SAMMSON: variants seen among roughly 807,000 people sequenced by gnomAD.
SAMMSON encodes long intergenic non-protein coding RNA 1212.
chr3:70,209,987 C>T (rs542403720), intron 4 of SAMMSON, among the ~76,000 whole-genome samples: 1 of 152,052 alleles, frequency 6.6e-6, no homozygotes. Context: ...ATGGAGATTG[C>T]AGCAGCTATT....
chr3:70,258,913 T>A (rs960544654), intron 6 of SAMMSON, among the ~76,000 whole-genome samples: 1 of 152,218 alleles, frequency 6.6e-6, no homozygotes, highest in Non-Finnish European at 1.5e-5. Flanking sequence ...ATTTCTTTAA[T>A]TTTTTCACAG....
At chr3:70,238,393 G>A (rs1158458492) in intron 4 of SAMMSON, among the ~76,000 whole-genome samples, 1 of 151,976 alleles carries the variant, frequency 6.6e-6, no homozygotes, top group East Asian at 1.9e-4. Context: ...AGGATCATTT[G>A]AGCCCAGGAG....
intron 9 of SAMMSON, among the ~76,000 whole-genome samples, chr3:70,386,410 T>C (rs1324514011): frequency 1.3e-5 from 2 of 152,088 alleles, no homozygotes; most frequent in South Asian, 2.1e-4. Flanking sequence ...TATGAAGAGA[T>C]TTAACCTAGT....
At chr3:70,074,624 A>G (rs2067241948) in intron 4 of SAMMSON, among the ~76,000 whole-genome samples, 1 of 152,152 alleles carries the variant, frequency 6.6e-6, no homozygotes, top group Non-Finnish European at 1.5e-5. Flanking sequence ...GTCTTCGTGA[A>G]CACTTTTAGA....
intron 4 of SAMMSON, among the ~76,000 whole-genome samples, chr3:70,167,994 A>G (rs62254820): frequency 0.41 from 62,662 of 151,876 alleles, 13,637 homozygotes; most frequent in East Asian, 0.73. Flanking sequence ...CTCACAGGGA[A>G]AAATAGCATC....
chr3:70,362,042 G>A (rs990517501), intron 9 of SAMMSON, among the ~76,000 whole-genome samples: 1 of 152,086 alleles, frequency 6.6e-6, no homozygotes, highest in African/African-American at 2.4e-5. Flanking sequence ...GTTGTCTACA[G>A]GGGATAAAGA....
chr3:70,007,723 T>C (rs1249616019), intron 1 of SAMMSON, among the ~76,000 whole-genome samples: 1 of 152,212 alleles, frequency 6.6e-6, no homozygotes, highest in Non-Finnish European at 1.5e-5. Context: ...TCCTTGCCCA[T>C]GCCTATGTCC....
At chr3:70,306,395 G>A (rs1371374677) in intron 7 of SAMMSON, among the ~76,000 whole-genome samples, 3 of 152,156 alleles carry the variant, frequency 2.0e-5, no homozygotes, top group East Asian at 1.9e-4. Context: ...ATAGGCATGA[G>A]CTACCTCACC....
At chr3:70,209,721 C>G (rs561048430) in intron 4 of SAMMSON, among the ~76,000 whole-genome samples, 1 of 152,168 alleles carries the variant, frequency 6.6e-6, no homozygotes, top group Non-Finnish European at 1.5e-5. Context: ...TAGCTTTTAT[C>G]TCTCCTTCCT....
chr3:70,149,118 G>A (rs1458745294), intron 4 of SAMMSON, among the ~76,000 whole-genome samples: 1 of 152,062 alleles, frequency 6.6e-6, no homozygotes, highest in Non-Finnish European at 1.5e-5. Context: ...TTGTTTCTCA[G>A]CAGAAGGTCA....
intron 9 of SAMMSON, among the ~76,000 whole-genome samples, chr3:70,360,487 C>T (rs1459031536): frequency 6.6e-6 from 1 of 152,050 alleles, no homozygotes; most frequent in Non-Finnish European, 1.5e-5. Flanking sequence ...GGGAAAGTAA[C>T]GAGATTATAG....
chr3:70,074,600 A>G (rs2067241819), intron 4 of SAMMSON, among the ~76,000 whole-genome samples: 2 of 152,140 alleles, frequency 1.3e-5, no homozygotes, highest in South Asian at 4.1e-4. Flanking sequence ...CTTAATCAGG[A>G]CATTTAAAAA....
At chr3:70,098,287 C>T (rs1173215357) in intron 4 of SAMMSON, among the ~76,000 whole-genome samples, 1 of 152,196 alleles carries the variant, frequency 6.6e-6, no homozygotes. Context: ...TGAAAGCGGT[C>T]TCACACATCT....
chr3:70,421,517 G>A (rs757527396), intron 2 of SAMMSON, among the ~76,000 whole-genome samples: 6 of 151,986 alleles, frequency 3.9e-5, no homozygotes, highest in Non-Finnish European at 8.8e-5. Flanking sequence ...ATCTAATCAG[G>A]TCTGAAAGCA....
At chr3:70,338,369 G>C (rs1187166933) in intron 7 of SAMMSON, among the ~76,000 whole-genome samples, 1 of 152,044 alleles carries the variant, frequency 6.6e-6, no homozygotes, top group Non-Finnish European at 1.5e-5. Context: ...GTTTTGGTAT[G>C]CTCTAGATAG....
At chr3:70,034,097 A>G (rs1394124391) in intron 3 of SAMMSON, among the ~76,000 whole-genome samples, 1 of 152,174 alleles carries the variant, frequency 6.6e-6, no homozygotes, top group East Asian at 1.9e-4. Flanking sequence ...CCATGGAATT[A>G]GATGAAATTG....
At chr3:70,008,615 T>C (rs1179545271) in intron 1 of SAMMSON, among the ~76,000 whole-genome samples, 1 of 152,208 alleles carries the variant, frequency 6.6e-6, no homozygotes, top group African/African-American at 2.4e-5. Flanking sequence ...CTTTTCCTAC[T>C]TGAATACCCT....
intron 4 of SAMMSON, among the ~76,000 whole-genome samples, chr3:70,075,749 C>T (rs778406163): frequency 6.6e-6 from 1 of 152,088 alleles, no homozygotes; most frequent in Non-Finnish European, 1.5e-5. Context: ...GGATTTCAGA[C>T]AAACTCATAG....
intron 2 of SAMMSON, among the ~76,000 whole-genome samples, chr3:70,426,086 C>T (rs11927774): frequency 0.23 from 34,429 of 152,136 alleles, 3,947 homozygotes; most frequent in Middle Eastern, 0.29. Flanking sequence ...GTAACTGCTT[C>T]CTTAAACCTT....
Sources: allele counts gnomAD v4.1 joint callset (sites outside exome capture counted in the v4.1 genomes callset), GRCh38; gene constraint gnomAD v4.1.1; transcripts MANE v1.5; gene names NCBI Gene and HGNC (gene_info 2026-07-23, HGNC 2026-07-21).